Variants in KHDRBS2 observed in about 807,000 individuals in gnomAD.
The protein encoded by KHDRBS2 is KH domain-containing, RNA-binding, signal transduction-associated protein 2.
KHDRBS2 carries 26 observed loss-of-function variants against 44.3 expected under a neutral mutation model. The observed-to-expected ratio is 0.59, with a 90% CI of 0.43 to 0.81. The LOEUF is 0.81. KHDRBS2 is among the 40% of genes least tolerant of loss of function. The probability of loss-of-function intolerance (pLI) is 0.00; values close to 1 mark genes in which losing one functional copy is unlikely to be tolerated. For missense variants in KHDRBS2, 476 were observed against 433.1 expected, an observed-to-expected ratio of 1.10 and a Z score of -0.88; for synonymous variants, 194 against 151.1, an observed-to-expected ratio of 1.28 and a Z score of -2.08.
intron 2 of KHDRBS2, among the ~76,000 whole-genome samples, chr6:62,073,530 C>CTTTTT (rs60124030): frequency 3.8e-4 from 47 of 124,378 alleles, no homozygotes; most frequent in South Asian, 5.2e-4. Flanking sequence ...TTTCTTTTTT[C>CTTTTT]TTTTTTTTTT....
chr6:61,640,597 C>T, the KHDRBS2 span, among the ~76,000 whole-genome samples: 3 of 152,004 alleles, frequency 2.0e-5, no homozygotes, highest in African/African-American at 7.2e-5. Context: ...TTACTCATAA[C>T]TGTCTGGCTT....
chr6:62,131,305 A>G (rs2150090172), intron 2 of KHDRBS2, among the ~76,000 whole-genome samples: 1 of 152,326 alleles, frequency 6.6e-6, no homozygotes, highest in Middle Eastern at 3.4e-3. Context: ...ATATTTCCTT[A>G]ATTAAATCGT....
chr6:61,902,419 G>A (rs960549570), intron 4 of KHDRBS2, among the ~76,000 whole-genome samples: 2 of 151,998 alleles, frequency 1.3e-5, no homozygotes, highest in African/African-American at 4.8e-5. Flanking sequence ...AATTCAAGAG[G>A]ACCCAAGAGT....
intron 3 of KHDRBS2, among the ~76,000 whole-genome samples, chr6:61,988,586 C>A (rs1338317901): frequency 6.6e-6 from 1 of 152,140 alleles, no homozygotes; most frequent in Non-Finnish European, 1.5e-5. Flanking sequence ...TGGGAAGAAA[C>A]TGGCACTCAG....
At chr6:62,115,939 C>G (rs1806115665) in intron 2 of KHDRBS2, among the ~76,000 whole-genome samples, 1 of 151,896 alleles carries the variant, frequency 6.6e-6, no homozygotes, top group African/African-American at 2.4e-5. Context: ...AAAATAAATA[C>G]AAAATACATT....
At chr6:62,039,255 A>AACACACACACAC (rs142933011) in intron 3 of KHDRBS2, among the ~76,000 whole-genome samples, 61 of 145,880 alleles carry the variant, frequency 4.2e-4, no homozygotes, top group Non-Finnish European at 6.3e-4. Flanking sequence ...TACACAGGCA[A>AACACACACACAC]ACACACACAC....
the KHDRBS2 span, among the ~76,000 whole-genome samples, chr6:61,573,965 A>T: frequency 6.6e-6 from 1 of 152,140 alleles, no homozygotes; most frequent in Non-Finnish European, 1.5e-5. Context: ...CACAATAGAG[A>T]AGCCAGAAAT....
intron 4 of KHDRBS2, among the ~76,000 whole-genome samples, chr6:61,932,401 A>T (rs1985610749): frequency 6.6e-6 from 1 of 152,122 alleles, no homozygotes. Flanking sequence ...GTAATTATGT[A>T]TTTTTTGACC....
chr6:61,804,310 G>T (rs1202487392), intron 6 of KHDRBS2, among the ~76,000 whole-genome samples: 2 of 152,166 alleles, frequency 1.3e-5, no homozygotes, highest in East Asian at 3.9e-4. Context: ...GATGCAAGAG[G>T]TAGGTTCCCA....
chr6:61,713,394 A>C (rs1770852973), intron 7 of KHDRBS2, among the ~76,000 whole-genome samples: 1 of 151,700 alleles, frequency 6.6e-6, no homozygotes, highest in Non-Finnish European at 1.5e-5. Flanking sequence ...TTCCCAGATA[A>C]ATTTGATTTT....
At chr6:61,911,127 G>C (rs913482771) in intron 4 of KHDRBS2, among the ~76,000 whole-genome samples, 5 of 152,144 alleles carry the variant, frequency 3.3e-5, no homozygotes, top group Non-Finnish European at 7.4e-5. Context: ...CATAAAAGAG[G>C]TTGATAGGAT....
intron 3 of KHDRBS2, among the ~76,000 whole-genome samples, chr6:62,030,848 T>C (rs1784218746): frequency 6.6e-6 from 1 of 152,104 alleles, no homozygotes; most frequent in Non-Finnish European, 1.5e-5. Context: ...ATCGTCATAG[T>C]AGCCTTATTT....
chr6:61,923,591 T>G (rs139893967), intron 4 of KHDRBS2, among the ~76,000 whole-genome samples: 1 of 152,050 alleles, frequency 6.6e-6, no homozygotes, highest in East Asian at 1.9e-4. Context: ...ATAATCTCAA[T>G]AGATGTAGGA....
chr6:61,693,248 T>C (rs1401614794), intron 8 of KHDRBS2, among the ~76,000 whole-genome samples: 1 of 152,148 alleles, frequency 6.6e-6, no homozygotes, highest in African/African-American at 2.4e-5. Context: ...ATCTGCCTAT[T>C]TGGATATTTT....
intron 1 of KHDRBS2, among the ~76,000 whole-genome samples, chr6:62,278,101 G>A (rs1291294569): frequency 6.6e-6 from 1 of 152,102 alleles, no homozygotes; most frequent in East Asian, 1.9e-4. Context: ...GTGGGGAATA[G>A]TACCAAATTT....
the KHDRBS2 span, among the ~76,000 whole-genome samples, chr6:61,573,352 A>C: frequency 6.6e-6 from 1 of 152,226 alleles, no homozygotes; most frequent in Non-Finnish European, 1.5e-5. Context: ...TTCCATGCTC[A>C]TGGATGGGTA....
chr6:61,698,681 C>T (rs1463536793), intron 7 of KHDRBS2, among the ~76,000 whole-genome samples: 2 of 151,948 alleles, frequency 1.3e-5, no homozygotes, highest in African/African-American at 2.4e-5. Context: ...CCATTTGTCC[C>T]CCCCTTGTAT....
intron 2 of KHDRBS2, among the ~76,000 whole-genome samples, chr6:62,054,249 A>G (rs1386970903): frequency 3.3e-5 from 5 of 152,084 alleles, no homozygotes; most frequent in Admixed American, 2.0e-4. Context: ...CAAGTCAAGA[A>G]CTATTCCTTC....
chr6:61,626,915 G>A, the KHDRBS2 span, among the ~76,000 whole-genome samples: 1 of 151,818 alleles, frequency 6.6e-6, no homozygotes, highest in South Asian at 2.1e-4. Context: ...GTTTCCACCT[G>A]AAAGAGCTAA....
Sources: allele counts gnomAD v4.1 joint callset (sites outside exome capture counted in the v4.1 genomes callset), GRCh38; gene constraint gnomAD v4.1.1; transcripts MANE v1.5; gene names NCBI Gene and HGNC (gene_info 2026-07-23, HGNC 2026-07-21).